The following KCNH5 variants were observed in gnomAD, a reference collection of about 807,000 sequenced individuals.
KCNH5 encodes the protein potassium voltage-gated channel subfamily H member 5.
Under a neutral mutation model 96.1 loss-of-function variants are expected in KCNH5, and 46 were observed. The ratio of observed to expected loss-of-function variants is 0.48; its 90% CI spans 0.38 to 0.61. The LOEUF (loss-of-function observed/expected upper bound fraction) is 0.61. Among genes scored for constraint, KCNH5 ranks in the 20% least tolerant of loss-of-function variants. KCNH5 has a pLI of 0.00. For synonymous variants in KCNH5, 439 were observed against 449.8 expected (o/e 0.98, Z 0.30); for missense variants, 907 against 1,225.8 (o/e 0.74, Z 3.88).
intron 8 of KCNH5, among the ~76,000 whole-genome samples, chr14:62,818,108 GC>G (rs59085949): frequency 0.06 from 5,480 of 90,884 alleles, 201 homozygotes; most frequent in African/African-American, 0.096. Context: ...GGAGCTGGGG[GC>G]GGGGGGGGGG....
At chr14:63,020,896 G>A (rs1891414338) in intron 1 of KCNH5, among the ~76,000 whole-genome samples, 1 of 151,994 alleles carries the variant, frequency 6.6e-6, no homozygotes, top group Admixed American at 6.6e-5. Flanking sequence ...TTATGAGGAT[G>A]GTATTACTAC....
At chr14:63,031,476 A>C (rs1566547856) in intron 1 of KCNH5, among the ~76,000 whole-genome samples, 1 of 152,118 alleles carries the variant, frequency 6.6e-6, no homozygotes, top group Non-Finnish European at 1.5e-5. Flanking sequence ...TTCCAGGAGA[A>C]AAAAAATGAT....
intron 8 of KCNH5, among the ~76,000 whole-genome samples, chr14:62,831,877 T>A: frequency 6.6e-6 from 1 of 151,898 alleles, no homozygotes; most frequent in East Asian, 1.9e-4. Context: ...TCTGGCTAGT[T>A]TTTTTTCTTA....
At chr14:62,885,331 A>C (rs6573463) in intron 7 of KCNH5, among the ~76,000 whole-genome samples, 110,408 of 152,050 alleles carry the variant, frequency 0.73, 41,143 homozygotes, top group East Asian at 0.99. Context: ...TTATGATATC[A>C]CTTATCCTGA....
chr14:63,003,618 A>AT (rs1566537008), intron 3 of KCNH5, among the ~76,000 whole-genome samples: 5 of 124,364 alleles, frequency 4.0e-5, no homozygotes, highest in African/African-American at 1.3e-4. Context: ...TTATATATAT[A>AT]TATATATTTT....
rs535168875 is a variant in KCNH5 at position 62,701,872 on chromosome 14, T to C, written c.*5636A>G. On this transcript the variant is annotated 3_prime_UTR_variant, in exon 11 of 11. Coordinates refer to ENST00000322893, the MANE Select transcript of KCNH5 (RefSeq NM_139318.5). The stretch of plus-strand genomic sequence containing the variant: ...GAAATAAGGATACAAGTTGCCATTC[T>C]AAACAGAAATAGTTCATTTGGATAA... 6.6e-6 allele frequency: 1 copy of C among 152,242 alleles called. No individual in the cohort carries two copies. Among genetic ancestry groups the C allele is most frequent in the South Asian group, 2.1e-4 (1 of 4,828 alleles). The allele number at this position is 152,242 out of a possible 1,614,324, so 9.4% of individuals were successfully genotyped here.
At chr14:62,782,519 T>C (rs1886239701) in intron 9 of KCNH5, among the ~76,000 whole-genome samples, 2 of 152,188 alleles carry the variant, frequency 1.3e-5, no homozygotes, top group Non-Finnish European at 1.5e-5. Flanking sequence ...GATCAGAGAC[T>C]TGGTAGCCAA....
chr14:62,903,777 A>G (rs949454265), intron 7 of KCNH5, among the ~76,000 whole-genome samples: 2 of 152,236 alleles, frequency 1.3e-5, no homozygotes. Context: ...GAATAGATAT[A>G]GATGAAAGAA....
At chr14:62,712,642 G>A (rs1168473503) in intron 10 of KCNH5, 5 of 772,500 alleles carry the variant, frequency 6.5e-6, no homozygotes, top group Non-Finnish European at 1.2e-5. Context: ...ATGAATGGGT[G>A]AAGTAGGAAG....
intron 7 of KCNH5, among the ~76,000 whole-genome samples, chr14:62,859,745 G>A (rs1887997673): frequency 6.6e-6 from 1 of 152,166 alleles, no homozygotes. Context: ...CTTCACTGCT[G>A]TCCTTCAGGG....
In KCNH5 at chr14:63,045,340, C is replaced by G. The variant is rs1424749363; in HGVS notation, c.-154G>C. 1.5e-6 allele frequency: 1 copy of G among 650,554 alleles called. No homozygotes were observed. 40.3% of individuals were successfully genotyped at this position (650,554 alleles called of 1,614,324 possible). ...GCGACGGGGTCCCCTGACTGTGTCT[C>G]CAGCCCGACCCGGATGAGCAGCTCT... On this transcript the variant is annotated 5_prime_UTR_variant, in exon 1 of 11. Transcript: ENST00000322893.
chr14:62,769,840 A>T (rs1885948032), intron 10 of KCNH5, among the ~76,000 whole-genome samples: 1 of 152,228 alleles, frequency 6.6e-6, no homozygotes, highest in African/African-American at 2.4e-5. Flanking sequence ...TATTACAGAA[A>T]ATACCTACTG....
intron 7 of KCNH5, among the ~76,000 whole-genome samples, chr14:62,926,994 G>C (rs1357429204): frequency 6.6e-6 from 1 of 152,036 alleles, no homozygotes; most frequent in Non-Finnish European, 1.5e-5. Context: ...GCACTGCTGA[G>C]AGATGATATA....
intron 6 of KCNH5, among the ~76,000 whole-genome samples, chr14:62,972,682 A>G (rs1424258441): frequency 2.0e-5 from 3 of 152,192 alleles, no homozygotes; most frequent in Admixed American, 6.5e-5. Context: ...CACAGAAAAA[A>G]AAAATGAGCT....
chr14:62,870,975 C>G (rs1888242485), intron 7 of KCNH5, among the ~76,000 whole-genome samples: 1 of 152,170 alleles, frequency 6.6e-6, no homozygotes, highest in South Asian at 2.1e-4. Context: ...TCAATAAACA[C>G]TTTAAAATTG....
chr14:62,835,752 T>TAA (rs1347778801), intron 8 of KCNH5, among the ~76,000 whole-genome samples: 2 of 151,976 alleles, frequency 1.3e-5, no homozygotes, highest in African/African-American at 4.8e-5. Flanking sequence ...TAAAATACCT[T>TAA]AAAAAATAAA....
At chr14:63,042,764 C>T (rs1194759763) in intron 1 of KCNH5, among the ~76,000 whole-genome samples, 1 of 152,096 alleles carries the variant, frequency 6.6e-6, no homozygotes, top group Non-Finnish European at 1.5e-5. Flanking sequence ...GATATTCCCC[C>T]GTGAATGTGT....
intron 7 of KCNH5, among the ~76,000 whole-genome samples, chr14:62,923,766 A>G (rs1318806792): frequency 6.6e-6 from 1 of 152,004 alleles, no homozygotes; most frequent in Non-Finnish European, 1.5e-5. Flanking sequence ...AGTTATCTGC[A>G]TACAAAAGAA....
intron 7 of KCNH5, among the ~76,000 whole-genome samples, chr14:62,883,188 G>T (rs1260066299): frequency 6.6e-6 from 1 of 152,098 alleles, no homozygotes; most frequent in Non-Finnish European, 1.5e-5. Context: ...CATCCTTACT[G>T]TCCATTTAAC....
Sources: gnomAD v4.1 joint callset for allele counts (sites outside exome capture counted in the v4.1 genomes callset) on GRCh38, gnomAD v4.1.1 for gene constraint, MANE v1.5 for transcripts, NCBI Gene and HGNC (gene_info 2026-07-23, HGNC 2026-07-21) for gene names.